Variants in ZNF782 observed in about 807,000 individuals in gnomAD.
ZNF782 encodes zinc finger protein 782.
A neutral mutation model predicts 13.0 loss-of-function variants in ZNF782; 12 were observed. The ratio of observed to expected loss-of-function variants is 0.92; its 90% confidence interval spans 0.59 to 1.50. The LOEUF is 1.50. ZNF782 is among the 40% of genes most tolerant of loss of function. The pLI is 0.00. For missense variants in ZNF782, 770 were observed against 822.9 expected (o/e 0.94, Z 0.79); for synonymous variants, 284 against 283.0 (o/e 1.00, Z -0.04).
At chr9:96,896,442 A>G in the ZNF782 span, among the ~76,000 whole-genome samples, 1 of 152,224 alleles carries the variant, frequency 6.6e-6, no homozygotes. Flanking sequence ...TAGACTTACT[A>G]CTAAGACATT....
intron 4 of ZNF782, among the ~76,000 whole-genome samples, chr9:96,843,795 C>T (rs1851259767): frequency 6.6e-6 from 1 of 152,072 alleles, no homozygotes; most frequent in Non-Finnish European, 1.5e-5. Context: ...AAAAAGGTTT[C>T]TTAAAATATA....
chr9:96,919,869 TA>T, the ZNF782 span, among the ~76,000 whole-genome samples: 1 of 151,330 alleles, frequency 6.6e-6, no homozygotes, highest in Admixed American at 6.6e-5. Flanking sequence ...CTCAAATGAG[TA>T]ACTTTTAAGT....
In ZNF782 at chr9:96,829,637, C is replaced by T. The variant is rs576540037; in HGVS notation, c.143-2456G>A. On this transcript the variant is annotated intron_variant, in intron 4 of 5. Transcript: ENST00000481138. ...AACATGACCTCCATTTACAGAACAC[C>T]GATCCAAAAGGAAAACACATTATTT... is the stretch of plus-strand genomic sequence containing the variant. 1.8e-4 allele frequency among the ~76,000 whole-genome samples: 28 copies of T among 152,086 alleles called. No individual in the cohort carries two copies. The East Asian group carries it at 2.1e-3, about 12-fold the overall frequency.
At chr9:96,906,732 TAGA>T in the ZNF782 span, among the ~76,000 whole-genome samples, 127 of 151,664 alleles carry the variant, frequency 8.4e-4, no homozygotes, top group Middle Eastern at 3.4e-3. Flanking sequence ...GCAGTTTTTA[TAGA>T]AGCTTTGTTA....
the ZNF782 span, among the ~76,000 whole-genome samples, chr9:96,924,843 A>T: frequency 2.6e-5 from 4 of 151,986 alleles, no homozygotes; most frequent in Non-Finnish European, 5.9e-5. Flanking sequence ...CTCCCCCTTC[A>T]CTTCAAGGCC....
chr9:96,881,818 G>A, the ZNF782 span, among the ~76,000 whole-genome samples: 1 of 151,900 alleles, frequency 6.6e-6, no homozygotes, highest in Non-Finnish European at 1.5e-5. Flanking sequence ...CGTAAATACT[G>A]TAGTTTTATA....
At chr9:96,931,787 C>G in the ZNF782 span, 2 of 1,611,728 alleles carry the variant, frequency 1.2e-6, no homozygotes, top group Admixed American at 1.7e-5. Context: ...GTTCACGGCT[C>G]TGCCCTTTGC....
In ZNF782 at chr9:96,819,725, G is replaced by C. The variant is rs1850343809; in HGVS notation, c.298C>G (p.His100Asp). ...TTGGTGAATAAAACTTGCAACAAAT[G>C]TTTGCCTTGATTTTCTGGGCTCTTC... ...SEKSPENQGKHLLQVLFTNKL... is the reference protein window; with the variant it reads ...SEKSPENQGKDLLQVLFTNKL... Residue 100 changes from histidine to aspartate, a missense_variant, in exon 6 of 6, where the codon CAT (histidine) becomes GAT (aspartate). Transcript: ENST00000481138. 6.2e-7 allele frequency: 1 copy of C among 1,611,200 alleles called. No homozygotes were observed. Among genetic ancestry groups the C allele is most frequent in the South Asian group, 1.1e-5 (1 of 90,340 alleles).
chr9:96,889,918 CCTGT>C, the ZNF782 span: 1 of 152,196 alleles, frequency 6.6e-6, no homozygotes, highest in African/African-American at 2.4e-5. Context: ...TCCTTTTCTT[CCTGT>C]CTCTTTTTAA....
chr9:96,881,807 T>C, the ZNF782 span, among the ~76,000 whole-genome samples: 1 of 152,088 alleles, frequency 6.6e-6, no homozygotes, highest in Non-Finnish European at 1.5e-5. Flanking sequence ...TATCACACTA[T>C]CGTAAATACT....
the ZNF782 span, among the ~76,000 whole-genome samples, chr9:96,885,810 T>C: frequency 6.6e-6 from 1 of 152,038 alleles, no homozygotes; most frequent in South Asian, 2.1e-4. Context: ...CCTTCCTTCC[T>C]TCCCCTTCCT....
At chr9:96,931,207 G>A in the ZNF782 span, among the ~76,000 whole-genome samples, 2 of 151,898 alleles carry the variant, frequency 1.3e-5, no homozygotes, top group Admixed American at 1.3e-4. Context: ...GTTTTCTTTT[G>A]TTGTGTTGAG....
chr9:96,823,399 GT>G (rs939994288), intron 5 of ZNF782, among the ~76,000 whole-genome samples: 1 of 152,164 alleles, frequency 6.6e-6, no homozygotes, highest in Non-Finnish European at 1.5e-5. Flanking sequence ...AACACTTGCA[GT>G]TTTTTGTTTT....
intron 1 of ZNF782, among the ~76,000 whole-genome samples, chr9:96,861,898 C>G (rs753099087): frequency 1.5e-4 from 23 of 152,164 alleles, no homozygotes; most frequent in Non-Finnish European, 1.5e-4. Flanking sequence ...ATCCAGCAAT[C>G]CCACTGCTGG....
intron 5 of ZNF782, among the ~76,000 whole-genome samples, chr9:96,822,727 TTCTAAGCACTGCTTTA>T (rs962401175): frequency 6.6e-6 from 1 of 152,180 alleles, no homozygotes; most frequent in African/African-American, 2.4e-5. Context: ...CTAAAAGTTT[TTCTAAGCACTGCTTTA>T]TCTATATCCC....
chr9:96,832,914 C>A (rs1850853065), intron 4 of ZNF782, among the ~76,000 whole-genome samples: 1 of 151,430 alleles, frequency 6.6e-6, no homozygotes, highest in Non-Finnish European at 1.5e-5. Context: ...TTTTTTTTAG[C>A]CTTTTCTTAT....
chr9:96,838,701 G>A (rs1851082863), intron 4 of ZNF782, among the ~76,000 whole-genome samples: 1 of 149,768 alleles, frequency 6.7e-6, no homozygotes, highest in Non-Finnish European at 1.5e-5. Context: ...GTGTTAGCCT[G>A]ATGTATTTTT....
chr9:96,868,789 A>G (rs1851791490), intron 1 of ZNF782, among the ~76,000 whole-genome samples: 1 of 152,196 alleles, frequency 6.6e-6, no homozygotes, highest in Non-Finnish European at 1.5e-5. Flanking sequence ...CTAATAAACT[A>G]GAGCATATGA....
intron 3 of ZNF782, among the ~76,000 whole-genome samples, chr9:96,848,580 A>C (rs1851403393): frequency 6.6e-6 from 1 of 152,032 alleles, no homozygotes; most frequent in Admixed American, 6.6e-5. Context: ...AAACAAAATA[A>C]CACCACCACC....
Sources: gnomAD v4.1 joint callset for allele counts (sites outside exome capture counted in the v4.1 genomes callset) on GRCh38, gnomAD v4.1.1 for gene constraint, MANE v1.5 for transcripts, NCBI Gene and HGNC (gene_info 2026-07-23, HGNC 2026-07-21) for gene names.